The following POLD1 variants were observed in gnomAD, a reference collection of about 807,000 sequenced individuals.
The protein encoded by POLD1 is DNA polymerase delta catalytic subunit.
A neutral mutation model predicts 129.7 loss-of-function variants in POLD1; 79 were observed. The ratio of observed to expected loss-of-function variants is 0.61; its 90% confidence interval spans 0.51 to 0.73. POLD1 has a LOEUF of 0.73. Ranked by LOEUF, POLD1 falls within the 30% of genes least tolerant of loss-of-function variation. The pLI, the probability that POLD1 is intolerant of heterozygous loss-of-function variation, is 0.00. For missense variants in POLD1, 1,338 were observed against 1,595.8 expected, an observed-to-expected ratio of 0.84 and a Z score of 2.75; for synonymous variants, 714 against 683.3, an observed-to-expected ratio of 1.04 and a Z score of -0.70.
chr19:50,408,134 G>T (rs933722252), intron 14 of POLD1, among the ~76,000 whole-genome samples: 1 of 151,272 alleles, frequency 6.6e-6, no homozygotes, highest in African/African-American at 2.4e-5. Flanking sequence ...CAGGAGATTG[G>T]GACCATCCTG....
At chr19:50,408,557 T>A in intron 14 of POLD1, 3 of 630,704 alleles carry the variant, frequency 4.8e-6, no homozygotes, top group Non-Finnish European at 7.9e-6. Flanking sequence ...ATTTTTAAAA[T>A]TTTTTTGTAG....
In POLD1 at chr19:50,399,561, GC is replaced by G. The variant is rs1451671219; in HGVS notation, c.316+80del. On this transcript the variant is annotated intron_variant, in intron 3 of 26. Coordinates refer to ENST00000440232, the MANE Select transcript of POLD1 (RefSeq NM_002691.4). Reference sequence around the variant, plus strand: ...AGGCCGGGCCAGGTCAGCCCCTCTGGCCCTGTGCTCCTGGGGCAGAGGCCGG... The same window carrying G: ...AGGCCGGGCCAGGTCAGCCCCTCTGGCCTGTGCTCCTGGGGCAGAGGCCGG... The G allele has an allele frequency of 4.6e-6, 5 of 1,096,968 alleles. No homozygotes were observed. In the African/African-American group the frequency reaches 7.8e-5, roughly 17 times the overall value. 68.0% of individuals were successfully genotyped at this position (1,096,968 alleles called of 1,614,324 possible). A position where few individuals can be genotyped will look rare whatever the true frequency, so the allele number is the denominator to read the frequency against.
At position 50,406,532 on chromosome 19, in the gene POLD1, C is replaced by T; in HGVS notation, c.1494+15C>T. On this transcript the variant is annotated intron_variant, in intron 12 of 26. Coordinates refer to ENST00000440232, the MANE Select transcript of POLD1 (RefSeq NM_002691.4). This position sits in a 1 kb window ranked among gnomAD's most constrained non-coding sequence, Gnocchi z 5.5. ...CCGACCTGCAGGTGCCTGCTGCCTC[C>T]CTGACCTCTCACCCCAACCTCTGAC... The T allele has an allele frequency of 1.3e-6, 2 of 1,539,956 alleles. No homozygotes were observed. The highest frequency in any genetic ancestry group is 1.2e-5 in the South Asian group (1 of 84,528).
rs533757580 is a variant in POLD1, at chr19:50,413,378, T to A, written c.2155-48T>A. ...CCCTCCCCCGCCGGCCCACGTTCAC[T>A]GCACATGGCCCCCAGGGCTTCACTC... On this transcript the variant is annotated intron_variant, in intron 17 of 26. Coordinates refer to ENST00000440232, the MANE Select transcript of POLD1 (RefSeq NM_002691.4). 43 of 1,538,848 alleles carry A rather than the reference T, an allele frequency of 2.8e-5. No individual in the cohort carries two copies. In the South Asian group the frequency reaches 4.8e-4, roughly 17 times the overall value.
chr19:50,412,740 T>TGG (rs2039130400), intron 17 of POLD1, among the ~76,000 whole-genome samples: 2 of 151,110 alleles, frequency 1.3e-5, no homozygotes, highest in Admixed American at 6.6e-5. Flanking sequence ...GGTGGTGGTG[T>TGG]TGTTGTTTAA....
chr19:50,402,114 C>T lies in POLD1; in HGVS notation c.579C>T (p.Cys193=), dbSNP rs2038666612. 1 of 1,611,956 alleles carries T rather than the reference C, an allele frequency of 6.2e-7. No homozygotes were observed. Among genetic ancestry groups the T allele is most frequent in the African/African-American group, 1.3e-5 (1 of 74,938 alleles). ...CGGCCGTGCTGGCTGTGGAACTGTG[C>T]TCCCGAGAGAGTGAGTGCTCCCCCA... The part of the protein sequence containing the change: ...TGPAVLAVEL[C]SRESMFGYHG... The change falls in exon 5 of 27, where the codon TGC becomes TGT. Residue 193 remains cysteine, a synonymous_variant. Transcript: ENST00000440232.
In POLD1 at chr19:50,399,008, CAGG is replaced by C. The variant is rs766482335; in HGVS notation, c.169_171del (p.Glu57del). On this transcript the variant is annotated inframe_deletion, in exon 2 of 27. Transcript: ENST00000440232. ...GGAGGCAGAACACAGGCTGCAGGAG[CAGG>C]AGGAGGAGGAGCTGCAGTCAGTCCT... 3.2e-6 allele frequency: 5 copies of C among 1,562,996 alleles called. No homozygotes were observed. Among genetic ancestry groups the C allele is most frequent in the Admixed American group, 1.9e-5 (1 of 51,822 alleles).
In POLD1 at chr19:50,416,469, C is replaced by T; in HGVS notation, c.2894C>T (p.Pro965Leu). Residue 965 changes from proline to leucine, a missense_variant, in exon 23 of 27, where the codon CCC becomes CTC. Transcript: ENST00000440232. ...QYYLEQQLAK[P>L]LLRIFEPILG... ...TACCTGGAGCAGCAGCTGGCCAAGCCCCTCCTGCGCATCTTCGAGCCCATC... is the reference window on the plus strand; with the variant it reads ...TACCTGGAGCAGCAGCTGGCCAAGCTCCTCCTGCGCATCTTCGAGCCCATC... 1 of 1,551,088 alleles carries T rather than the reference C, an allele frequency of 6.4e-7. No homozygotes were observed. Among genetic ancestry groups the T allele is most frequent in the Non-Finnish European group, 8.7e-7 (1 of 1,147,930 alleles).
intron 1 of POLD1, among the ~76,000 whole-genome samples, chr19:50,387,143 A>G (rs561075757): frequency 1.3e-5 from 2 of 152,286 alleles, no homozygotes; most frequent in African/African-American, 2.4e-5. Flanking sequence ...TCTGGCAGAC[A>G]TGGTGAAACT....
Position 50,413,423 on chromosome 19 carries a change from CAG to C in POLD1, c.2155_2156del. The C allele has an allele frequency of 6.2e-7, 1 of 1,612,322 alleles. No homozygotes were observed. Among genetic ancestry groups the C allele is most frequent in the Non-Finnish European group, 8.5e-7 (1 of 1,178,990 alleles). On this transcript the variant is annotated splice_acceptor_variant, in intron 17 of 26. Coordinates refer to ENST00000440232, the MANE Select transcript of POLD1 (RefSeq NM_002691.4). LOFTEE classifies it high-confidence loss of function. Reference sequence around the variant, plus strand: ...TCACTCCGCATGATTCTCTCCCCGACAGAGCGTCACGGGGTTCGGACGTCAGA... The same window carrying C: ...TCACTCCGCATGATTCTCTCCCCGACAGCGTCACGGGGTTCGGACGTCAGA...
chr19:50,410,914 G>A (rs1186238653), intron 17 of POLD1: 1 of 150,652 alleles, frequency 6.6e-6, no homozygotes, highest in Non-Finnish European at 1.5e-5. Context: ...CCATGTTAGT[G>A]TCAACTACCT....
chr19:50,401,155 G>A lies in POLD1; in HGVS notation c.317-623G>A, dbSNP rs541022954. 7.3e-5 allele frequency among the ~76,000 whole-genome samples: 11 copies of A among 151,146 alleles called. No homozygotes were observed. The East Asian group carries it at 2.0e-3, about 27-fold the overall frequency. The stretch of plus-strand genomic sequence containing the variant: ...ATTCAAAAAATTAGCCAGGTGTGGT[G>A]GCATGGGCCTGTAATCTCAGCTGTT... On this transcript the variant is annotated intron_variant, in intron 3 of 26. Coordinates refer to ENST00000440232, the MANE Select transcript of POLD1 (RefSeq NM_002691.4).
intron 19 of POLD1, 46 bp downstream of exon 19, chr19:50,413,925 G>C (rs2122453479): frequency 6.6e-7 from 1 of 1,521,918 alleles, no homozygotes; most frequent in Non-Finnish European, 8.8e-7. Context: ...CCCTCATCAG[G>C]GTACTCAGGG....
rs769170847 is a variant in POLD1, at chr19:50,416,561, G to T, written c.2953+33G>T. 7 of 1,544,728 alleles carry T rather than the reference G, an allele frequency of 4.5e-6. No individual in the cohort carries two copies. In the Admixed American group the frequency reaches 1.2e-4, roughly 26 times the overall value. ...GGCACCAGGGGACTGGGGGCACCCT[G>T]GGGGGGCAGAGGAGATCACCGGCCC... is the stretch of plus-strand genomic sequence containing the variant. On this transcript the variant is annotated intron_variant, in intron 23 of 26. Transcript: ENST00000440232.
chr19:50,398,703 T>C (rs2038462107), intron 1 of POLD1, 148 bp from the exon 2 acceptor site: 3 of 1,331,834 alleles, frequency 2.3e-6, no homozygotes, highest in Non-Finnish European at 3.0e-6. Context: ...CCCACCCCAC[T>C]GCCTGCAGGG....
In POLD1 at chr19:50,406,171, C is replaced by A; in HGVS notation, c.1243-11C>A. The A allele has an allele frequency of 6.2e-7, 1 of 1,610,540 alleles. No individual in the cohort carries two copies. The highest frequency in any genetic ancestry group is 1.1e-5 in the South Asian group (1 of 90,904). On this transcript the variant is annotated splice_polypyrimidine_tract_variant and intron_variant, in intron 10 of 26. Transcript: ENST00000440232. This position sits in a 1 kb window ranked among gnomAD's most constrained non-coding sequence, Gnocchi z 5.5. ...CCGCAGCCTGCTGCACACCCTGCCTCTCCTCCTCAGGTACAAACATTCCCT... is the reference window on the plus strand; with the variant it reads ...CCGCAGCCTGCTGCACACCCTGCCTATCCTCCTCAGGTACAAACATTCCCT...
intron 24 of POLD1, 63 bp downstream of exon 24, chr19:50,416,786 C>G (rs1467750780): frequency 7.8e-7 from 1 of 1,290,094 alleles, no homozygotes. Flanking sequence ...CACCCCAGAT[C>G]CTAGACACCC....
At chr19:50,405,130 C>T (rs2038828495) in intron 10 of POLD1, among the ~76,000 whole-genome samples, 1 of 152,094 alleles carries the variant, frequency 6.6e-6, no homozygotes, top group Non-Finnish European at 1.5e-5. Context: ...CCAGGCTGGT[C>T]TCCATCCTCA....
At chr19:50,389,747 C>T (rs1363915091) in intron 1 of POLD1, among the ~76,000 whole-genome samples, 4 of 151,734 alleles carry the variant, frequency 2.6e-5, no homozygotes, top group African/African-American at 7.3e-5. Flanking sequence ...CCACCACGCC[C>T]GGCTAATTTT....
Sources: gnomAD v4.1 joint callset for allele counts (sites outside exome capture counted in the v4.1 genomes callset) on GRCh38, gnomAD v4.1.1 for gene constraint, Gnocchi (gnomAD v3.1) non-coding constraint, MANE v1.5 for transcripts, NCBI Gene and HGNC (gene_info 2026-07-23, HGNC 2026-07-21) for gene names.